Variants in SMYD3 observed in about 807,000 individuals in gnomAD.
The protein encoded by SMYD3 is histone-lysine N-methyltransferase SMYD3.
SMYD3 carries 36 observed loss-of-function variants against 57.7 expected under a neutral mutation model. That is an observed-to-expected ratio of 0.62 (90% CI 0.48 to 0.82). The LOEUF (loss-of-function observed/expected upper bound fraction) is 0.82, where lower values mean the gene tolerates loss of function less well. SMYD3 is among the 40% of genes least tolerant of loss of function. The pLI is 0.00. For synonymous variants in SMYD3, 211 were observed against 195.0 expected, an observed-to-expected ratio of 1.08 and a Z score of -0.68; for missense variants, 515 against 538.8, an observed-to-expected ratio of 0.96 and a Z score of 0.44.
At chr1:245,785,248 T>C (rs1253574924) in intron 10 of SMYD3, among the ~76,000 whole-genome samples, 1 of 152,096 alleles carries the variant, frequency 6.6e-6, no homozygotes, top group Non-Finnish European at 1.5e-5. Context: ...GGAGATATTG[T>C]AGTGGACATC....
intron 5 of SMYD3, among the ~76,000 whole-genome samples, chr1:245,963,533 GT>G (rs56686693): frequency 0.012 from 1,778 of 147,994 alleles, 34 homozygotes; most frequent in African/African-American, 0.041. Flanking sequence ...GCTTTTGTGA[GT>G]TTTTTTTTTT....
At chr1:246,129,700 C>T (rs2061559908) in intron 5 of SMYD3, among the ~76,000 whole-genome samples, 1 of 152,014 alleles carries the variant, frequency 6.6e-6, no homozygotes, top group Non-Finnish European at 1.5e-5. Context: ...AAAGAGGCTG[C>T]CATGGAGAGG....
intron 1 of SMYD3, among the ~76,000 whole-genome samples, chr1:246,381,915 C>T (rs1348551384): frequency 4.8e-5 from 7 of 145,870 alleles, no homozygotes; most frequent in African/African-American, 1.0e-4. Context: ...CCAGGCCCAC[C>T]GCGGGCTCCA....
intron 5 of SMYD3, among the ~76,000 whole-genome samples, chr1:246,056,933 G>T (rs191363571): frequency 6.6e-6 from 1 of 152,188 alleles, no homozygotes; most frequent in Non-Finnish European, 1.5e-5. Context: ...CACTTCCCAG[G>T]TCCCGTCCTA....
chr1:246,016,592 AG>A (rs1185295213), intron 5 of SMYD3, among the ~76,000 whole-genome samples: 1 of 152,046 alleles, frequency 6.6e-6, no homozygotes, highest in African/African-American at 2.4e-5. Flanking sequence ...TCAAAAAAGA[AG>A]AAAAAAAAAG....
At chr1:245,920,339 G>C (rs1187431463) in intron 7 of SMYD3, among the ~76,000 whole-genome samples, 1 of 130,366 alleles carries the variant, frequency 7.7e-6, no homozygotes, top group African/African-American at 2.9e-5. Flanking sequence ...AAAAAAAAAA[G>C]ATGACCAAGT....
chr1:246,097,685 C>T (rs1429836837), intron 5 of SMYD3, among the ~76,000 whole-genome samples: 1 of 151,994 alleles, frequency 6.6e-6, no homozygotes, highest in African/African-American at 2.4e-5. Context: ...CCTGAGAAGT[C>T]ACACAATACC....
chr1:246,377,369 CTTT>C (rs531494337), intron 1 of SMYD3, among the ~76,000 whole-genome samples: 4 of 134,206 alleles, frequency 3.0e-5, no homozygotes, highest in Admixed American at 7.5e-5. Context: ...GCAAATAATT[CTTT>C]TTTTTTTTTT....
chr1:245,995,453 T>A (rs2058909178), intron 5 of SMYD3, among the ~76,000 whole-genome samples: 1 of 152,228 alleles, frequency 6.6e-6, no homozygotes, highest in Admixed American at 6.5e-5. Context: ...ATTAAACAGG[T>A]AATTTATGCC....
intron 5 of SMYD3, among the ~76,000 whole-genome samples, chr1:246,090,268 A>G (rs185137956): frequency 1.3e-5 from 2 of 152,332 alleles, no homozygotes; most frequent in African/African-American, 4.8e-5. Context: ...AGCACCCAGT[A>G]TGTCCTAACA....
At chr1:246,336,220 C>T (rs2065542384) in intron 2 of SMYD3, among the ~76,000 whole-genome samples, 1 of 152,188 alleles carries the variant, frequency 6.6e-6, no homozygotes, top group South Asian at 2.1e-4. Flanking sequence ...GGGAAGGACA[C>T]TATCCTTGAG....
chr1:246,117,614 T>C (rs897618836), intron 5 of SMYD3, among the ~76,000 whole-genome samples: 2 of 152,208 alleles, frequency 1.3e-5, no homozygotes, highest in African/African-American at 2.4e-5. Context: ...GTGCTCGCTC[T>C]TGCGCACTCT....
At chr1:246,057,593 T>G (rs142417852) in intron 5 of SMYD3, among the ~76,000 whole-genome samples, 2,001 of 152,294 alleles carry the variant, frequency 0.013, 44 homozygotes, top group African/African-American at 0.046. Flanking sequence ...TCCGGAACAC[T>G]GATAACACCA....
intron 5 of SMYD3, among the ~76,000 whole-genome samples, chr1:246,304,564 G>A (rs2064948063): frequency 2.0e-5 from 3 of 152,140 alleles, no homozygotes; most frequent in African/African-American, 4.8e-5. Flanking sequence ...TAAAGATTTT[G>A]ATGTTTAGCC....
chr1:246,451,814 A>G (rs1437001112), intron 1 of SMYD3, among the ~76,000 whole-genome samples: 1 of 152,232 alleles, frequency 6.6e-6, no homozygotes, highest in Non-Finnish European at 1.5e-5. Context: ...AGTTTTTTTT[A>G]GTCAATAAAA....
chr1:246,127,554 T>A (rs1319097882), intron 5 of SMYD3, among the ~76,000 whole-genome samples: 2 of 152,146 alleles, frequency 1.3e-5, no homozygotes, highest in Non-Finnish European at 2.9e-5. Flanking sequence ...AAGAACTAAT[T>A]TCCTTACTGG....
chr1:245,766,702 C>T (rs997428952), intron 10 of SMYD3, among the ~76,000 whole-genome samples: 3 of 152,174 alleles, frequency 2.0e-5, no homozygotes, highest in Non-Finnish European at 4.4e-5. Flanking sequence ...CATCATTAAA[C>T]TTAAAGGCCA....
At chr1:245,880,258 T>G (rs1469634512) in intron 8 of SMYD3, among the ~76,000 whole-genome samples, 1 of 152,214 alleles carries the variant, frequency 6.6e-6, no homozygotes, top group Non-Finnish European at 1.5e-5. Flanking sequence ...GGGGCAAATA[T>G]TATTAACACC....
intron 1 of SMYD3, among the ~76,000 whole-genome samples, chr1:246,403,540 G>A (rs1427506109): frequency 2.6e-5 from 4 of 152,014 alleles, no homozygotes; most frequent in African/African-American, 7.3e-5. Context: ...CATCTCCTCT[G>A]GTCTCTCCTT....
Sources: gnomAD v4.1 joint callset for allele counts (sites outside exome capture counted in the v4.1 genomes callset) on GRCh38, gnomAD v4.1.1 for gene constraint, MANE v1.5 for transcripts, NCBI Gene and HGNC (gene_info 2026-07-23, HGNC 2026-07-21) for gene names.